Variants in DERL1 observed in about 807,000 individuals in gnomAD.
DERL1 encodes derlin 1, also known as derlin-1.
A neutral mutation model predicts 41.6 loss-of-function variants in DERL1; 24 were observed. That is an observed-to-expected ratio of 0.58 (90% CI 0.42 to 0.81). The LOEUF is 0.81. Ranked by LOEUF, DERL1 falls within the 30% of genes least tolerant of loss-of-function variation. The pLI is 0.00. For missense variants in DERL1, 260 were observed against 314.3 expected (o/e 0.83, Z 1.31); for synonymous variants, 124 against 112.5 (o/e 1.10, Z -0.65).
intron 2 of DERL1, among the ~76,000 whole-genome samples, chr8:123,029,485 G>T (rs751844530): frequency 6.6e-6 from 1 of 152,094 alleles, no homozygotes; most frequent in African/African-American, 2.4e-5. Flanking sequence ...AGACTGATTC[G>T]CAATTCTCAA....
At chr8:123,024,403 A>G (rs1812635532) in intron 3 of DERL1, among the ~76,000 whole-genome samples, 1 of 152,190 alleles carries the variant, frequency 6.6e-6, no homozygotes, top group African/African-American at 2.4e-5. Flanking sequence ...TTTTGAGCTC[A>G]CCAATTTTGC....
chr8:123,013,318 G>A lies in DERL1; in HGVS notation c.*2129C>T, dbSNP rs750076749. On this transcript the variant is annotated 3_prime_UTR_variant, in exon 8 of 8. Transcript: ENST00000259512. ...GTGATATCTAAGAGACAGCAGAGCAGGGACATGGAAACTTAACACAGACAA... is the reference window on the plus strand; with the variant it reads ...GTGATATCTAAGAGACAGCAGAGCAAGGACATGGAAACTTAACACAGACAA... 2.0e-4 allele frequency: 30 copies of A among 152,142 alleles called. No homozygotes were observed. The highest frequency in any genetic ancestry group is 1.7e-3 in the Admixed American group (26 of 15,274). 9.4% of individuals were successfully genotyped at this position (152,142 alleles called of 1,614,324 possible).
At chr8:123,032,665 A>C (rs1016934879) in intron 1 of DERL1, among the ~76,000 whole-genome samples, 1 of 152,184 alleles carries the variant, frequency 6.6e-6, no homozygotes, top group Non-Finnish European at 1.5e-5. Context: ...TGAGGAAGAG[A>C]TCCAACTGTT....
intron 1 of DERL1, 174 bp from the exon 2 acceptor site, chr8:123,030,890 C>T: frequency 1.7e-6 from 1 of 590,328 alleles, no homozygotes; most frequent in Non-Finnish European, 3.0e-6. Flanking sequence ...AATACAATCA[C>T]ATCACTTTGC....
chr8:123,040,446 G>A (rs1813026136), intron 1 of DERL1, among the ~76,000 whole-genome samples: 2 of 152,222 alleles, frequency 1.3e-5, no homozygotes, highest in Non-Finnish European at 2.9e-5. Flanking sequence ...AAGCACTGAA[G>A]TAACAGCAAG....
At chr8:123,023,835 G>C (rs1664459417) in intron 3 of DERL1, 96 bp from the exon 4 acceptor site, 4 of 1,405,890 alleles carry the variant, frequency 2.8e-6, no homozygotes, top group Non-Finnish European at 3.9e-6. Flanking sequence ...AGTTCACTTG[G>C]CCAGGTGTAA....
intron 1 of DERL1, among the ~76,000 whole-genome samples, chr8:123,040,360 G>A (rs2130500675): frequency 6.6e-6 from 1 of 152,328 alleles, no homozygotes; most frequent in African/African-American, 2.4e-5. Context: ...AGGTTAGGAG[G>A]TAAACAACTG....
intron 1 of DERL1, among the ~76,000 whole-genome samples, chr8:123,041,536 T>C (rs1028314725): frequency 6.6e-6 from 1 of 151,986 alleles, no homozygotes; most frequent in African/African-American, 2.4e-5. Flanking sequence ...ACAAAAAAAC[T>C]CCATAAACGT....
intron 1 of DERL1, among the ~76,000 whole-genome samples, chr8:123,034,594 T>C (rs1405740192): frequency 6.6e-6 from 1 of 152,196 alleles, no homozygotes; most frequent in Non-Finnish European, 1.5e-5. Flanking sequence ...AGCTAGAATT[T>C]TATCCCAGAC....
Position 123,015,400 on chromosome 8 carries a change from T to C in DERL1, c.*47A>G. ...CGCAGTTGTTAAGTGCACCCAGCAC[T>C]GGGAGGAAATGTGGCTTGAGAGGAG... On this transcript the variant is annotated 3_prime_UTR_variant, in exon 8 of 8. Transcript: ENST00000259512. 6.2e-7 allele frequency: 1 copy of C among 1,601,420 alleles called. No individual in the cohort carries two copies. The highest frequency in any genetic ancestry group is 8.5e-7 in the Non-Finnish European group (1 of 1,172,974).
At chr8:123,040,797 C>T (rs895599264) in intron 1 of DERL1, among the ~76,000 whole-genome samples, 1 of 152,078 alleles carries the variant, frequency 6.6e-6, no homozygotes, top group South Asian at 2.1e-4. Context: ...AAGATGACTC[C>T]GACAATTAAC....
chr8:123,025,122 C>T, intron 2 of DERL1, 72 bp from the exon 3 acceptor site: 3 of 1,485,526 alleles, frequency 2.0e-6, no homozygotes, highest in Non-Finnish European at 2.7e-6. Context: ...TAGAGAAACA[C>T]TTCAAAAAGT....
At position 123,022,762 on chromosome 8, in the gene DERL1, C is replaced by A. The variant is rs753520571; in HGVS notation, c.375G>T (p.Leu125=). ...CCCAGACATAAAGTACTGACATGAT[C>A]AGAGGAATCATCAGCAACTGCAAAA... The part of the protein sequence containing the change: ...AMDMQLLMIP[L]IMSVLYVWAQ... Residue 125 remains leucine, a synonymous_variant, in exon 5 of 8, where the codon CTG becomes CTT. Transcript: ENST00000259512. The A allele has an allele frequency of 5.0e-6, 8 of 1,614,076 alleles. No individual in the cohort carries two copies. Among genetic ancestry groups the A allele is most frequent in the Non-Finnish European group, 5.9e-6 (7 of 1,179,982 alleles).
intron 6 of DERL1, among the ~76,000 whole-genome samples, chr8:123,020,279 A>C (rs1170117082): frequency 6.6e-6 from 1 of 152,094 alleles, no homozygotes. Flanking sequence ...CAGAAGTTTG[A>C]GACCAGCCTG....
At chr8:123,040,687 A>G (rs889110737) in intron 1 of DERL1, among the ~76,000 whole-genome samples, 5 of 152,226 alleles carry the variant, frequency 3.3e-5, no homozygotes, top group Middle Eastern at 3.2e-3. Context: ...ATGGCTTGCA[A>G]TGGAGAATGA....
At chr8:123,034,941 G>C (rs1263136678) in intron 1 of DERL1, among the ~76,000 whole-genome samples, 1 of 152,232 alleles carries the variant, frequency 6.6e-6, no homozygotes, top group Non-Finnish European at 1.5e-5. Context: ...AATTAAGAAA[G>C]TGAATTAAAA....
At chr8:123,024,008 T>C (rs951527208) in intron 3 of DERL1, among the ~76,000 whole-genome samples, 6 of 152,248 alleles carry the variant, frequency 3.9e-5, no homozygotes, top group African/African-American at 1.4e-4. Context: ...TCCAGTGTTC[T>C]GAAGGAAAAT....
intron 1 of DERL1, among the ~76,000 whole-genome samples, chr8:123,033,044 T>C (rs907051952): frequency 1.3e-4 from 19 of 151,926 alleles, no homozygotes; most frequent in African/African-American, 4.6e-4. Flanking sequence ...TTGTTTGTTT[T>C]TTGAGACGGG....
At chr8:123,029,326 C>T (rs1301605683) in intron 2 of DERL1, among the ~76,000 whole-genome samples, 2 of 152,098 alleles carry the variant, frequency 1.3e-5, no homozygotes, top group African/African-American at 4.8e-5. Context: ...AACTAGGTTC[C>T]TCCCAATAGT....
Sources: gnomAD v4.1 joint callset for allele counts (sites outside exome capture counted in the v4.1 genomes callset) on GRCh38, gnomAD v4.1.1 for gene constraint, MANE v1.5 for transcripts, NCBI Gene and HGNC (gene_info 2026-07-23, HGNC 2026-07-21) for gene names.